Variants in B3GALT1 observed in about 807,000 individuals in gnomAD.
B3GALT1 encodes the protein UDP-Gal:betaGlcNAc beta 1,3-galactosyltransferase, polypeptide 1.
A neutral mutation model predicts 23.2 loss-of-function variants in B3GALT1; 10 were observed. The observed-to-expected ratio is 0.43, with a 90% CI of 0.27 to 0.73. B3GALT1 has a LOEUF of 0.73. B3GALT1 is among the 30% of genes least tolerant of loss of function. The pLI is 0.21. For synonymous variants in B3GALT1, 156 were observed against 141.5 expected, an observed-to-expected ratio of 1.10 and a Z score of -0.73; for missense variants, 299 against 405.4, an observed-to-expected ratio of 0.74 and a Z score of 2.25.
Position 167,492,287 on chromosome 2 carries a change from A to G in B3GALT1, c.-410+2010A>G, listed in dbSNP as rs116617634. 1.0e-3 allele frequency among the ~76,000 whole-genome samples: 155 copies of G among 152,292 alleles called. 1 individual carries two copies. The highest frequency in any genetic ancestry group is 3.4e-3 in the African/African-American group (142 of 41,582). On this transcript the variant is annotated intron_variant, in intron 2 of 4. Coordinates refer to ENST00000392690, the MANE Select transcript of B3GALT1 (RefSeq NM_020981.4). Reference sequence around the variant, plus strand: ...ACAAAGCAGTATGCTTTTAAGGTTCATCTATGTTTTTCTGTGGCTTAATAG... The same window carrying G: ...ACAAAGCAGTATGCTTTTAAGGTTCGTCTATGTTTTTCTGTGGCTTAATAG...
intron 2 of B3GALT1, among the ~76,000 whole-genome samples, chr2:167,630,750 G>A (rs146390569): frequency 6.6e-6 from 1 of 151,600 alleles, no homozygotes; most frequent in African/African-American, 2.4e-5. Context: ...GTAATTTTCT[G>A]TATATTTGAA....
intron 1 of B3GALT1, among the ~76,000 whole-genome samples, chr2:167,364,218 C>G (rs1337611437): frequency 6.7e-6 from 1 of 149,806 alleles, no homozygotes; most frequent in African/African-American, 2.4e-5. Context: ...TTCAGCACCT[C>G]TACCATTCTG....
rs1186243331 is a variant in B3GALT1 at position 167,439,104 on chromosome 2, A to G, written c.-510-51073A>G. Among the ~76,000 whole-genome samples, 7 of 152,366 alleles carry G rather than the reference A, an allele frequency of 4.6e-5. No homozygotes were observed. In the East Asian group the frequency reaches 1.2e-3, roughly 25 times the overall value. ...TTATTATTGCTTCTTTTTTCTTGAC[A>G]TCAAATGTTTGTTTGTTATTCAAAT... On this transcript the variant is annotated intron_variant, in intron 1 of 4. Coordinates refer to ENST00000392690, the MANE Select transcript of B3GALT1 (RefSeq NM_020981.4).
chr2:167,715,211 G>T (rs1276732987), intron 3 of B3GALT1: 2 of 1,613,974 alleles, frequency 1.2e-6, no homozygotes, highest in Non-Finnish European at 1.7e-6. Flanking sequence ...ATCATCCGTT[G>T]TGTCTTCTTC....
At chr2:167,521,985 T>TATATATATATATATATATATATATAC (rs1491425862) in intron 2 of B3GALT1, among the ~76,000 whole-genome samples, 2 of 103,378 alleles carry the variant, frequency 1.9e-5, no homozygotes, top group Non-Finnish European at 3.8e-5. Context: ...TGTGTGTGTG[T>TATATATATATATATATATATATATAC]ATATATATAT....
intron 3 of B3GALT1, among the ~76,000 whole-genome samples, chr2:167,805,559 T>A (rs1688734454): frequency 6.6e-6 from 1 of 152,212 alleles, no homozygotes. Context: ...TAGCCAGTTT[T>A]CCCAGCACCA....
intron 3 of B3GALT1, among the ~76,000 whole-genome samples, chr2:167,654,664 T>C (rs1242294679): frequency 1.3e-5 from 2 of 152,028 alleles, no homozygotes; most frequent in African/African-American, 4.8e-5. Context: ...CAGCTAATTT[T>C]TAAAATTTTT....
At chr2:167,714,498 G>A in intron 3 of B3GALT1, 1 of 1,609,472 alleles carries the variant, frequency 6.2e-7, no homozygotes. Flanking sequence ...TGACCCAACG[G>A]TGAGGGACCA....
At chr2:167,384,403 C>G (rs374135567) in intron 1 of B3GALT1, among the ~76,000 whole-genome samples, 1 of 152,122 alleles carries the variant, frequency 6.6e-6, no homozygotes, top group East Asian at 1.9e-4. Context: ...TGTGCTCTCT[C>G]GGAATTCTCA....
At chr2:167,447,819 C>T (rs966613431) in intron 1 of B3GALT1, among the ~76,000 whole-genome samples, 2 of 152,068 alleles carry the variant, frequency 1.3e-5, no homozygotes, top group African/African-American at 2.4e-5. Flanking sequence ...CTGGGTGAGG[C>T]GATGCCTCAC....
At chr2:167,770,738 T>A (rs987196549) in intron 3 of B3GALT1, among the ~76,000 whole-genome samples, 10 of 152,140 alleles carry the variant, frequency 6.6e-5, no homozygotes, top group African/African-American at 2.2e-4. Context: ...CTCTAAAAGG[T>A]TTATAGTTTT....
At chr2:167,684,326 A>G (rs576009386) in intron 3 of B3GALT1, among the ~76,000 whole-genome samples, 6 of 152,324 alleles carry the variant, frequency 3.9e-5, no homozygotes, top group South Asian at 2.1e-4. Context: ...AATTTTTCCC[A>G]TGTTCCTGTT....
intron 2 of B3GALT1, among the ~76,000 whole-genome samples, chr2:167,638,899 A>C (rs1685606161): frequency 6.6e-6 from 1 of 151,974 alleles, no homozygotes; most frequent in African/African-American, 2.4e-5. Flanking sequence ...AGCTGTGTAA[A>C]CTTGGGCAAA....
At position 167,808,107 on chromosome 2, in the gene B3GALT1, A is replaced by C. The variant is rs548010391; in HGVS notation, c.-351-10565A>C. On this transcript the variant is annotated intron_variant, in intron 3 of 4. Coordinates refer to ENST00000392690, the MANE Select transcript of B3GALT1 (RefSeq NM_020981.4). Reference sequence around the variant, plus strand: ...TTGTTGGTTTAAAGTCTGTTTTATCAGAGACTAGGATTGCAACCCCTGCCT... The same window carrying C: ...TTGTTGGTTTAAAGTCTGTTTTATCCGAGACTAGGATTGCAACCCCTGCCT... Among the ~76,000 whole-genome samples the C allele has an allele frequency of 5.3e-5, 8 of 151,022 alleles. No individual in the cohort carries two copies. In the East Asian group the frequency reaches 1.6e-3, roughly 30 times the overall value.
intron 1 of B3GALT1, among the ~76,000 whole-genome samples, chr2:167,299,652 T>A (rs1166486108): frequency 6.6e-6 from 1 of 152,096 alleles, no homozygotes; most frequent in Non-Finnish European, 1.5e-5. Flanking sequence ...TAAAATTATT[T>A]TAGTTATTAT....
Position 167,789,737 on chromosome 2 carries a change from A to G in B3GALT1, c.-351-28935A>G, listed in dbSNP as rs1444777912. Among the ~76,000 whole-genome samples, 4 of 152,112 alleles carry G rather than the reference A, an allele frequency of 2.6e-5. No homozygotes were observed. The East Asian group carries it at 7.8e-4, about 30-fold the overall frequency. On this transcript the variant is annotated intron_variant, in intron 3 of 4. Coordinates refer to ENST00000392690, the MANE Select transcript of B3GALT1 (RefSeq NM_020981.4). ...ATTGTAGATCCCTCCAGAGTTTTCCATCCCTTTCCTCCTTTCCTCCCCTAC... is the reference window on the plus strand; with the variant it reads ...ATTGTAGATCCCTCCAGAGTTTTCCGTCCCTTTCCTCCTTTCCTCCCCTAC...
intron 3 of B3GALT1, among the ~76,000 whole-genome samples, chr2:167,780,074 C>T (rs1330418394): frequency 6.6e-5 from 10 of 152,116 alleles, no homozygotes; most frequent in East Asian, 1.9e-4. Context: ...GAAAGAGATT[C>T]GAGAAAATAT....
chr2:167,703,776 A>G (rs372806561), intron 3 of B3GALT1, among the ~76,000 whole-genome samples: 7 of 152,286 alleles, frequency 4.6e-5, no homozygotes, highest in African/African-American at 9.6e-5. Flanking sequence ...GCTAAGGGAA[A>G]CCTCAATTGA....
In B3GALT1 at chr2:167,406,642, A is replaced by G. The variant is rs146083518; in HGVS notation, c.-510-83535A>G. Among the ~76,000 whole-genome samples the G allele has an allele frequency of 7.9e-5, 12 of 152,308 alleles. No homozygotes were observed. The East Asian group carries it at 2.1e-3, about 27-fold the overall frequency. On this transcript the variant is annotated intron_variant, in intron 1 of 4. Transcript: ENST00000392690. ...GTCCTTGCTTTAACCCACAGGAATC[A>G]TCATGACTGAGTGAAGGAAGAAATA...
Sources: gnomAD v4.1 joint callset for allele counts (sites outside exome capture counted in the v4.1 genomes callset) on GRCh38, gnomAD v4.1.1 for gene constraint, MANE v1.5 for transcripts, NCBI Gene and HGNC (gene_info 2026-07-23, HGNC 2026-07-21) for gene names.